Variants in PPFIA4 observed in about 807,000 individuals in gnomAD.
The protein encoded by PPFIA4 is liprin-alpha-4.
Under a neutral mutation model 145.7 loss-of-function variants are expected in PPFIA4, and 98 were observed. That is an observed-to-expected ratio of 0.67 (90% confidence interval 0.57 to 0.80). The LOEUF is 0.80. PPFIA4 is among the 30% of genes least tolerant of loss of function. The pLI is 0.00. For synonymous variants in PPFIA4, 628 were observed against 649.6 expected (o/e 0.97, Z 0.51); for missense variants, 1,457 against 1,632.7 (o/e 0.89, Z 1.85).
chr1:203,048,488 G>A lies in PPFIA4; in HGVS notation c.1225-95G>A. The A allele has an allele frequency of 3.9e-6, 6 of 1,525,900 alleles. No homozygotes were observed. The highest frequency in any genetic ancestry group is 3.5e-6 in the Non-Finnish European group (4 of 1,127,926). 94.5% of individuals were successfully genotyped at this position (1,525,900 alleles called of 1,614,324 possible). On this transcript the variant is annotated intron_variant, in intron 10 of 29. Transcript: ENST00000295706. This position sits in a 1 kb window ranked among gnomAD's most constrained non-coding sequence, Gnocchi z 5.8. Reference sequence around the variant, plus strand: ...GAGACTGGAGAGAGTGGCTCCCAGAGGATGAGAAGAGGACAGGGGAGGGAG... The same window carrying A: ...GAGACTGGAGAGAGTGGCTCCCAGAAGATGAGAAGAGGACAGGGGAGGGAG...
At chr1:203,067,322 T>G in intron 25 of PPFIA4, 1 of 212,956 alleles carries the variant, frequency 4.7e-6, no homozygotes, top group Non-Finnish European at 9.6e-6. Flanking sequence ...GGACTCCGAG[T>G]GAAGTAGGGA....
Position 203,075,517 on chromosome 1 carries a change from G to A in PPFIA4, c.3394-60G>A, listed in dbSNP as rs1405683762. 2.2e-5 allele frequency: 29 copies of A among 1,316,002 alleles called. No homozygotes were observed. The highest frequency in any genetic ancestry group is 4.1e-4 in the Middle Eastern group (2 of 4,926). The allele number at this position is 1,316,002 out of a possible 1,614,324, so 81.5% of individuals were successfully genotyped here. A position where few individuals can be genotyped will look rare whatever the true frequency, so the allele number is the denominator to read the frequency against. The stretch of plus-strand genomic sequence containing the variant: ...AGCAGCGACTGGCCCCCTCCAGGCA[G>A]GGCGTGAGGATGGCAATTCCAACAG... On this transcript the variant is annotated intron_variant, in intron 28 of 29. Transcript: ENST00000295706. This position sits in a 1 kb window ranked among gnomAD's most constrained non-coding sequence, Gnocchi z 4.1.
At position 203,039,233 on chromosome 1, in the gene PPFIA4, C is replaced by G. The variant is rs752544376; in HGVS notation, c.225C>G (p.Ala75=). Residue 75 remains alanine, a synonymous_variant, in exon 2 of 30, where the codon GCC becomes GCG. Transcript: ENST00000295706. The part of the protein sequence containing the change: ...RDQLQRHLNS[A]LPQEFATLTR... ...AGCTCCAGCGCCACCTTAACTCCGCCCTCCCCCAGGTAAGGCCCGAAGGCC... is the reference window on the plus strand; with the variant it reads ...AGCTCCAGCGCCACCTTAACTCCGCGCTCCCCCAGGTAAGGCCCGAAGGCC... 6.3e-7 allele frequency: 1 copy of G among 1,586,926 alleles called. No homozygotes were observed. The highest frequency in any genetic ancestry group is 8.6e-7 in the Non-Finnish European group (1 of 1,167,794).
chr1:203,060,870 C>T lies in PPFIA4; in HGVS notation c.2785-100C>T, dbSNP rs1349267519. The T allele has an allele frequency of 1.3e-5, 14 of 1,061,932 alleles. No individual in the cohort carries two copies. Among genetic ancestry groups the T allele is most frequent in the Non-Finnish European group, 2.0e-5 (14 of 689,696 alleles). 65.8% of individuals were successfully genotyped at this position (1,061,932 alleles called of 1,614,324 possible). A position where few individuals can be genotyped will look rare whatever the true frequency, so the allele number is the denominator to read the frequency against. On this transcript the variant is annotated intron_variant, in intron 22 of 29. Transcript: ENST00000295706. This position sits in a 1 kb window ranked among gnomAD's most constrained non-coding sequence, Gnocchi z 4.8. ...TGAGACCAGCCCCCATTTCAGAGGA[C>T]TCAGGGAGGGAGCTTTGTCCTTGTC...
rs911467475 is a variant in PPFIA4 at position 203,068,093 on chromosome 1, G to T, written c.3148+301G>T. On this transcript the variant is annotated intron_variant, in intron 26 of 29. Transcript: ENST00000295706. This position sits in a 1 kb window ranked among gnomAD's most constrained non-coding sequence, Gnocchi z 4.7. Reference sequence around the variant, plus strand: ...CCTGTGGAACTTGTTGATCTGGATGGGGCTGGATGGGAGATGCAAGTCTTA... The same window carrying T: ...CCTGTGGAACTTGTTGATCTGGATGTGGCTGGATGGGAGATGCAAGTCTTA... 6.6e-6 allele frequency among the ~76,000 whole-genome samples: 1 copy of T among 152,170 alleles called. No individual in the cohort carries two copies. The highest frequency in any genetic ancestry group is 2.4e-5 in the African/African-American group (1 of 41,438).
chr1:203,037,156 T>TC, intron 1 of PPFIA4: 1 of 359,630 alleles, frequency 2.8e-6, no homozygotes. Flanking sequence ...CCTCTTCCTT[T>TC]CCCCTGTTTC....
intron 27 of PPFIA4, among the ~76,000 whole-genome samples, chr1:203,070,955 G>GTT: frequency 6.9e-6 from 1 of 143,958 alleles, no homozygotes; most frequent in African/African-American, 2.6e-5. Context: ...CCACTTTTTT[G>GTT]TTTTTTTTTT....
rs1662246821 is a variant in PPFIA4, at chr1:203,072,572, A to G, written c.3393+812A>G. On this transcript the variant is annotated intron_variant, in intron 28 of 29. Coordinates refer to ENST00000295706, the MANE Select transcript of PPFIA4 (RefSeq NM_001304331.2). Reference sequence around the variant, plus strand: ...CCTCTTCCTCCCTCCTCACTTTCCTATCACTGCCCTTGCCTGTCAGGTCTG... The same window carrying G: ...CCTCTTCCTCCCTCCTCACTTTCCTGTCACTGCCCTTGCCTGTCAGGTCTG... 2.0e-5 allele frequency among the ~76,000 whole-genome samples: 3 copies of G among 152,150 alleles called. 1 individual carries two copies. In the Middle Eastern group the frequency reaches 0.01, roughly 518 times the overall value.
At chr1:203,074,929 T>A (rs1662414736) in intron 28 of PPFIA4, among the ~76,000 whole-genome samples, 1 of 151,978 alleles carries the variant, frequency 6.6e-6, no homozygotes, top group Admixed American at 6.5e-5. Flanking sequence ...GCCTGACCCA[T>A]CCCTGTTACA....
intron 15 of PPFIA4, 101 bp downstream of exon 15, chr1:203,054,062 A>T (rs1558085393): frequency 5.4e-6 from 7 of 1,286,768 alleles, no homozygotes; most frequent in Non-Finnish European, 6.5e-6. Flanking sequence ...TTATAGCTGC[A>T]ACTTAGAGTA....
In PPFIA4 at chr1:203,059,256, G is replaced by T; in HGVS notation, c.2486G>T (p.Arg829Leu). The change falls in exon 20 of 30, where the codon CGG (arginine) becomes CTG (leucine). Residue 829 changes from arginine to leucine, a missense_variant. Around this residue, in one of 3 missense-constraint regions of PPFIA4, gnomAD observed 848 missense variants for 1,046.7 expected, o/e 0.81. Transcript: ENST00000295706. ...CTGGGGACCCAGGCAGAGAAGGACCGGCGGCTAAAGAAGAAGTAAGAGCCA... is the reference window on the plus strand; with the variant it reads ...CTGGGGACCCAGGCAGAGAAGGACCTGCGGCTAAAGAAGAAGTAAGAGCCA... ...AKLGTQAEKD[R>L]RLKKKHQLLE... 6.5e-7 allele frequency: 1 copy of T among 1,534,120 alleles called. No homozygotes were observed. Among genetic ancestry groups the T allele is most frequent in the Non-Finnish European group, 8.9e-7 (1 of 1,125,776 alleles).
rs1659060770 is a variant in PPFIA4, at chr1:203,034,319, G to A, written c.-399-4291G>A. ...GAGCAGACCTCAGTGAGCAGGGCTA[G>A]GGAAGGGCTAGGGAGCAGCAGGAGA... On this transcript the variant is annotated intron_variant, in intron 1 of 29. Coordinates refer to ENST00000295706, the MANE Select transcript of PPFIA4 (RefSeq NM_001304331.2). 2.0e-5 allele frequency among the ~76,000 whole-genome samples: 3 copies of A among 152,288 alleles called. No homozygotes were observed. The South Asian group carries it at 6.2e-4, about 32-fold the overall frequency.
rs1571690690 is a variant in PPFIA4, at chr1:203,048,205, A to C, written c.1141-22A>C. On this transcript the variant is annotated intron_variant, in intron 9 of 29. Coordinates refer to ENST00000295706, the MANE Select transcript of PPFIA4 (RefSeq NM_001304331.2). The surrounding 1 kb of genome is among the most constrained non-coding windows in gnomAD (Gnocchi z 5.8). ...GGAAGAACAGAGATCTGCGGGCTGC[A>C]CCGACCCATCCCTGCCCCTAGGCTG... The C allele has an allele frequency of 6.2e-7, 1 of 1,611,038 alleles. No homozygotes were observed.
chr1:203,068,568 C>T lies in PPFIA4; in HGVS notation c.3264C>T (p.Asp1088=), dbSNP rs748070790. 4.8e-5 allele frequency: 77 copies of T among 1,597,818 alleles called. 1 individual carries two copies. In the South Asian group the frequency reaches 7.1e-4, roughly 15 times the overall value. ...TGCATGGAGCCTTGCTGGCCCTGGA[C>T]GAGAACTTCGACCACAACACACTGG... ...SGVHGALLAL[D]ENFDHNTLAL... Residue 1088 remains aspartate, a synonymous_variant, in exon 27 of 30, where the codon GAC becomes GAT. Coordinates refer to ENST00000295706, the MANE Select transcript of PPFIA4 (RefSeq NM_001304331.2). This position sits in a 1 kb window ranked among gnomAD's most constrained non-coding sequence, Gnocchi z 4.7.
In PPFIA4 at chr1:203,075,218, C is replaced by A. The variant is rs531320277; in HGVS notation, c.3394-359C>A. On this transcript the variant is annotated intron_variant, in intron 28 of 29. Transcript: ENST00000295706. The surrounding 1 kb of genome is among the most constrained non-coding windows in gnomAD (Gnocchi z 4.1). ...GGGACCGGCTGTCACCTCCCATGGG[C>A]TGAGGCAGAGGAATGCCTTGAAAGG... Among the ~76,000 whole-genome samples the A allele has an allele frequency of 3.9e-4, 59 of 152,160 alleles. No individual in the cohort carries two copies. Among genetic ancestry groups the A allele is most frequent in the Non-Finnish European group, 7.2e-4 (49 of 67,998 alleles).
rs1336665465 is a variant in PPFIA4 at position 203,056,900 on chromosome 1, A to G, written c.2357A>G (p.Lys786Arg). The G allele has an allele frequency of 3.1e-6, 5 of 1,613,962 alleles. No homozygotes were observed. Among genetic ancestry groups the G allele is most frequent in the Non-Finnish European group, 4.2e-6 (5 of 1,179,912 alleles). ...TCCATTGGCCGCCTGTTTGGGAAGAAGGAGAAGGGCAGGCTGATCCAGCTG... is the reference window on the plus strand; with the variant it reads ...TCCATTGGCCGCCTGTTTGGGAAGAGGGAGAAGGGCAGGCTGATCCAGCTG... ...KSSIGRLFGK[K>R]EKGRLIQLSR... Residue 786 changes from lysine to arginine, a missense_variant, in exon 19 of 30, where the codon AAG becomes AGG. By Grantham distance (26) the Lys-to-Arg change is conservative. Around this residue, in one of 3 missense-constraint regions of PPFIA4, gnomAD observed 848 missense variants for 1,046.7 expected, o/e 0.81. Transcript: ENST00000295706.
At chr1:203,045,747 G>A in intron 7 of PPFIA4, 94 bp from the exon 8 acceptor site, 1 of 1,576,332 alleles carries the variant, frequency 6.3e-7, no homozygotes, top group Non-Finnish European at 8.7e-7. Context: ...GCCCCTTAAT[G>A]GGTTCCAATC....
chr1:203,056,053 T>C (rs1660919139), intron 16 of PPFIA4, 67 bp from the exon 17 acceptor site: 2 of 1,539,574 alleles, frequency 1.3e-6, no homozygotes, highest in Admixed American at 1.7e-5. Context: ...ACCACTGGGC[T>C]CCCCTGGGGT....
At position 203,048,321 on chromosome 1, in the gene PPFIA4, C is replaced by T; in HGVS notation, c.1224+11C>T. ...CAGGAGCTGGCACGGGTGAGGGCAC[C>T]AGGCCGGGCCCTCAGGCCCCCTCCT... On this transcript the variant is annotated intron_variant, in intron 10 of 29. Coordinates refer to ENST00000295706, the MANE Select transcript of PPFIA4 (RefSeq NM_001304331.2). The surrounding 1 kb of genome is among the most constrained non-coding windows in gnomAD (Gnocchi z 5.8). The T allele has an allele frequency of 1.2e-6, 2 of 1,610,856 alleles. No individual in the cohort carries two copies. The highest frequency in any genetic ancestry group is 2.2e-5 in the South Asian group (2 of 90,604).
Sources: gnomAD v4.1 joint callset for allele counts (sites outside exome capture counted in the v4.1 genomes callset) on GRCh38, gnomAD v4.1.1 for gene constraint, gnomAD v4.1.1 regional missense constraint, Gnocchi (gnomAD v3.1) non-coding constraint, MANE v1.5 for transcripts, NCBI Gene and HGNC (gene_info 2026-07-23, HGNC 2026-07-21) for gene names.